FDFT1: variants seen among roughly 807,000 people sequenced by gnomAD.
FDFT1 encodes the protein squalene synthase.
Under a neutral mutation model 46.8 loss-of-function variants are expected in FDFT1, and 68 were observed. That is an observed-to-expected ratio of 1.45 (90% CI 1.19 to 1.78). The LOEUF is 1.78. FDFT1 is among the 40% of genes most tolerant of loss of function. The pLI, the probability that FDFT1 is intolerant of heterozygous loss-of-function variation, is 0.00. For synonymous variants in FDFT1, 351 were observed against 185.1 expected (o/e 1.90, Z -7.28); for missense variants, 928 against 524.4 (o/e 1.77, Z -7.52).
intron 1 of FDFT1, among the ~76,000 whole-genome samples, chr8:11,796,163 C>T (rs139562963): frequency 1.3e-5 from 2 of 152,206 alleles, no homozygotes; most frequent in African/African-American, 4.8e-5. Context: ...CAATACAAGG[C>T]TAAACAAAAT....
chr8:11,822,445 AG>A (rs1179197614), intron 4 of FDFT1, among the ~76,000 whole-genome samples: 1 of 152,196 alleles, frequency 6.6e-6, no homozygotes, highest in Non-Finnish European at 1.5e-5. Context: ...ACTTGACAGC[AG>A]TTATCTTTGG....
chr8:11,824,405 C>G (rs1809677426), intron 4 of FDFT1, among the ~76,000 whole-genome samples: 1 of 152,110 alleles, frequency 6.6e-6, no homozygotes, highest in South Asian at 2.1e-4. Flanking sequence ...AAAAGAAAAA[C>G]TAAAAAGAAA....
chr8:11,833,451 T>G (rs1811134864), intron 7 of FDFT1, among the ~76,000 whole-genome samples: 3 of 152,234 alleles, frequency 2.0e-5, no homozygotes, highest in Admixed American at 2.0e-4. Flanking sequence ...TTTTATGTAG[T>G]AAGTAGTTGA....
At chr8:11,818,538 G>A (rs1808781661) in intron 3 of FDFT1, among the ~76,000 whole-genome samples, 1 of 152,066 alleles carries the variant, frequency 6.6e-6, no homozygotes, top group Non-Finnish European at 1.5e-5. Context: ...TATGAATCTG[G>A]GTGCTCCTGT....
At chr8:11,798,376 C>T (rs188512470), upstream of FDFT1, among the ~76,000 whole-genome samples, 5 of 152,174 alleles carry the variant, frequency 3.3e-5, no homozygotes, top group East Asian at 5.8e-4. Flanking sequence ...GTGTTTTAGA[C>T]GAATAACTCT....
intron 5 of FDFT1, among the ~76,000 whole-genome samples, chr8:11,828,718 T>A (rs2130860194): frequency 6.6e-6 from 1 of 152,320 alleles, no homozygotes; most frequent in East Asian, 1.9e-4. Context: ...TAGCATAGAG[T>A]GCTTAGTAAA....
intron 1 of FDFT1, chr8:11,808,544 G>C (rs992718855): frequency 5.2e-6 from 7 of 1,350,160 alleles, no homozygotes; most frequent in Middle Eastern, 2.7e-4. Context: ...GCGGCACCAA[G>C]GCCATGGCCC....
At chr8:11,822,450 T>C (rs923134116) in intron 4 of FDFT1, among the ~76,000 whole-genome samples, 8 of 152,334 alleles carry the variant, frequency 5.3e-5, no homozygotes, top group Middle Eastern at 3.4e-3. Context: ...ACAGCAGTTA[T>C]CTTTGGAACT....
intron 1 of FDFT1, among the ~76,000 whole-genome samples, chr8:11,805,040 G>T (rs537954521): frequency 1.3e-5 from 2 of 150,914 alleles, no homozygotes; most frequent in African/African-American, 2.4e-5. Context: ...TCCTGATCCC[G>T]AGTAGCTGGG....
chr8:11,801,942 G>A (rs187400157), upstream of FDFT1: 1 of 455,146 alleles, frequency 2.2e-6, no homozygotes, highest in Non-Finnish European at 4.4e-6. Flanking sequence ...ACCCGCCTTG[G>A]CCTCCCAAAG....
intron 3 of FDFT1, among the ~76,000 whole-genome samples, chr8:11,819,100 C>T (rs964544959): frequency 1.3e-5 from 2 of 152,124 alleles, no homozygotes; most frequent in East Asian, 1.9e-4. Flanking sequence ...TTTATTTCTC[C>T]TTCACTTGTG....
intron 2 of FDFT1, 142 bp from the exon 3 acceptor site, chr8:11,809,525 T>C: frequency 1.5e-6 from 2 of 1,315,182 alleles, no homozygotes. Context: ...TTTCGTTAAG[T>C]ATGAAAAGCG....
chr8:11,829,246 C>G (rs968159183), intron 5 of FDFT1, among the ~76,000 whole-genome samples: 3 of 152,144 alleles, frequency 2.0e-5, no homozygotes, highest in Non-Finnish European at 4.4e-5. Flanking sequence ...ATTTTTAAGT[C>G]TATTATTCAG....
At position 11,830,382 on chromosome 8, in the gene FDFT1, A is replaced by G; in HGVS notation, c.841A>G (p.Arg281Gly). The G allele has an allele frequency of 3.7e-6, 6 of 1,613,842 alleles. No homozygotes were observed. Among genetic ancestry groups the G allele is most frequent in the Non-Finnish European group, 3.4e-6 (4 of 1,179,822 alleles). Residue 281 changes from arginine to glycine, a missense_variant, in exon 6 of 8, where the codon AGA becomes GGA. Arg to Gly is a moderately radical substitution (Grantham distance 125, BLOSUM62 -2). Transcript: ENST00000220584. Reference protein sequence around the residue: ...PDVITYLSRLRNQSVFNFCAI... With the variant: ...PDVITYLSRLGNQSVFNFCAI... ...TGTCATCACCTACCTTTCGAGACTCAGAAACCAGAGTGTGTTTAACTTCTG... is the reference window on the plus strand; with the variant it reads ...TGTCATCACCTACCTTTCGAGACTCGGAAACCAGAGTGTGTTTAACTTCTG...
rs200601839 is a variant in FDFT1 at position 11,826,126 on chromosome 8, A to C, written c.613A>C (p.Asn205His). ...PLVGEDTERA[N>H]SMGLFLQKTN... ...AGTTGGTGAAGATACAGAACGTGCC[A>C]ACTCTATGGGCCTGTTTTTGCAGAA... The change falls in exon 5 of 8, where the codon AAC becomes CAC. Residue 205 changes from asparagine (N) to histidine (H), a missense_variant. Asn to His is a moderately conservative substitution (Grantham distance 68). Transcript: ENST00000220584. The C allele has an allele frequency of 1.9e-5, 30 of 1,609,940 alleles. No homozygotes were observed. Among genetic ancestry groups the C allele is most frequent in the Non-Finnish European group, 1.1e-5 (13 of 1,176,828 alleles).
At chr8:11,829,316 G>A (rs549868235) in intron 5 of FDFT1, among the ~76,000 whole-genome samples, 3 of 152,014 alleles carry the variant, frequency 2.0e-5, no homozygotes, top group Non-Finnish European at 4.4e-5. Flanking sequence ...CAGAACTTTC[G>A]CTAGCTTCAG....
intron 5 of FDFT1, among the ~76,000 whole-genome samples, chr8:11,826,504 C>T (rs1810017417): frequency 6.6e-6 from 1 of 152,168 alleles, no homozygotes; most frequent in African/African-American, 2.4e-5. Context: ...ACTAGCTTAA[C>T]AAAAAGTTCT....
rs1272743409 is a variant in FDFT1, at chr8:11,809,769, T to G, written c.300T>G (p.Phe100Leu). ...VEKKVPLLHN[F>L]HSFLYQPDWR... ...AGAAGGTCCCGCTGTTACACAACTT[T>G]CACTCTTTCCTTTACCAACCAGACT... The change falls in exon 3 of 8, where the codon TTT (phenylalanine) becomes TTG (leucine). Residue 100 changes from phenylalanine (F) to leucine (L), a missense_variant. Transcript: ENST00000220584. 2.2e-5 allele frequency: 35 copies of G among 1,614,064 alleles called. No homozygotes were observed. Among genetic ancestry groups the G allele is most frequent in the African/African-American group, 4.0e-5 (3 of 74,916 alleles).
chr8:11,821,994 A>G (rs751534736), intron 4 of FDFT1, 116 bp downstream of exon 4: 92 of 1,246,458 alleles, frequency 7.4e-5, no homozygotes, highest in Middle Eastern at 2.1e-4. Context: ...TGGTTTTACA[A>G]TTCATCTGTT....
Sources: gnomAD v4.1 joint callset for allele counts (sites outside exome capture counted in the v4.1 genomes callset) on GRCh38, gnomAD v4.1.1 for gene constraint, MANE v1.5 for transcripts, NCBI Gene and HGNC (gene_info 2026-07-23, HGNC 2026-07-21) for gene names.